Variants in ITPK1 observed in about 807,000 individuals in gnomAD.
ITPK1 encodes the protein inositol 1,3,4-trisphosphate 5/6-kinase.
ITPK1 carries 21 observed loss-of-function variants against 45.3 expected under a neutral mutation model. The ratio of observed to expected loss-of-function variants is 0.46; its 90% CI spans 0.33 to 0.67. The LOEUF (loss-of-function observed/expected upper bound fraction) is 0.67, where lower values mean the gene tolerates loss of function less well. Among genes scored for constraint, ITPK1 ranks in the 30% least tolerant of loss-of-function variants. The pLI is 0.02. For synonymous variants in ITPK1, 258 were observed against 253.6 expected, an observed-to-expected ratio of 1.02 and a Z score of -0.16; for missense variants, 474 against 573.5, an observed-to-expected ratio of 0.83 and a Z score of 1.77.
intron 3 of ITPK1, chr14:93,066,408 T>TC (rs35712743): frequency 2.8e-5 from 2 of 71,626 alleles, no homozygotes; most frequent in Non-Finnish European, 5.6e-5. Flanking sequence ...TTAGCAATTC[T>TC]TTTTTTTTTT....
chr14:92,991,378 C>G (rs912686644), intron 5 of ITPK1, among the ~76,000 whole-genome samples: 7 of 151,732 alleles, frequency 4.6e-5, no homozygotes, highest in Non-Finnish European at 7.4e-5. Flanking sequence ...TCGGCGTGCA[C>G]GATAAGGAAA....
At chr14:93,028,104 A>C (rs181855157) in intron 3 of ITPK1, among the ~76,000 whole-genome samples, 1 of 152,304 alleles carries the variant, frequency 6.6e-6, no homozygotes, top group East Asian at 1.9e-4. Flanking sequence ...GTTCCCTTGC[A>C]CACGCACAGG....
intron 2 of ITPK1, among the ~76,000 whole-genome samples, chr14:93,100,570 GAGACAGAC>G (rs72010726): frequency 6.6e-6 from 1 of 151,128 alleles, no homozygotes. Flanking sequence ...GAGAGAGAGA[GAGACAGAC>G]AGACAGACAG....
intron 5 of ITPK1, among the ~76,000 whole-genome samples, chr14:92,979,557 A>C (rs1886111097): frequency 6.6e-6 from 1 of 152,058 alleles, no homozygotes; most frequent in South Asian, 2.1e-4. Context: ...TGGATCATGG[A>C]AGCAGATTTC....
intron 5 of ITPK1, among the ~76,000 whole-genome samples, chr14:92,975,150 C>T (rs1885876408): frequency 6.6e-6 from 1 of 152,226 alleles, no homozygotes; most frequent in Non-Finnish European, 1.5e-5. Flanking sequence ...GCTCCCATGG[C>T]CTTCGGAATC....
intron 2 of ITPK1, among the ~76,000 whole-genome samples, chr14:93,091,571 C>T (rs141490744): frequency 1.5e-3 from 227 of 152,344 alleles, no homozygotes; most frequent in African/African-American, 5.0e-3. Context: ...CCTCCTACGC[C>T]GAGTGCTGGG....
chr14:93,066,388 A>G, intron 3 of ITPK1: 1 of 377,872 alleles, frequency 2.6e-6, no homozygotes. Context: ...TGTCACTGCC[A>G]AGGTGACATT....
At chr14:92,970,098 G>A (rs903817667) in intron 5 of ITPK1, among the ~76,000 whole-genome samples, 4 of 152,130 alleles carry the variant, frequency 2.6e-5, no homozygotes, top group African/African-American at 4.8e-5. Context: ...TCATCCGACC[G>A]GTAGCAGCTA....
At chr14:93,093,443 TC>T (rs2140009733) in intron 2 of ITPK1, among the ~76,000 whole-genome samples, 1 of 152,182 alleles carries the variant, frequency 6.6e-6, no homozygotes, top group South Asian at 2.1e-4. Context: ...CATCTCCTCT[TC>T]CCCCGCTCCC....
At chr14:93,083,212 A>G (rs1000760460) in intron 2 of ITPK1, among the ~76,000 whole-genome samples, 4 of 152,116 alleles carry the variant, frequency 2.6e-5, no homozygotes, top group African/African-American at 9.7e-5. Context: ...CAGGAGGTTA[A>G]CACAAGACAC....
chr14:93,112,058 C>G (rs974201895), intron 2 of ITPK1, among the ~76,000 whole-genome samples: 5 of 152,022 alleles, frequency 3.3e-5, no homozygotes, highest in Non-Finnish European at 7.4e-5. Context: ...AACCCTCCCC[C>G]CAAGACAAGG....
chr14:92,958,337 C>T lies in ITPK1; in HGVS notation c.534G>A (p.Leu178=). ...EMAIVFNQEG[L]NAIQPPCVVQ... is the part of the protein sequence containing the mutation. ...CCACGCAGGGTGGCTGGATGGCGTT[C>T]AGGCCCTCCTGGTTGAACACGATAG... The change falls in exon 8 of 11, where the codon CTG becomes CTA. Residue 178 remains leucine, a synonymous_variant. Transcript: ENST00000267615. This position sits in a 1 kb window ranked among gnomAD's most constrained non-coding sequence, Gnocchi z 4.4. 1 of 1,614,210 alleles carries T rather than the reference C, an allele frequency of 6.2e-7. No homozygotes were observed. Among genetic ancestry groups the T allele is most frequent in the Non-Finnish European group, 8.5e-7 (1 of 1,180,028 alleles).
At chr14:93,025,066 C>T (rs1888671009) in intron 3 of ITPK1, among the ~76,000 whole-genome samples, 1 of 152,200 alleles carries the variant, frequency 6.6e-6, no homozygotes, top group African/African-American at 2.4e-5. Context: ...TCCTAGCTGG[C>T]AGGCCTCAAG....
intron 3 of ITPK1, among the ~76,000 whole-genome samples, chr14:93,031,675 G>A (rs1192600538): frequency 1.3e-5 from 2 of 152,096 alleles, no homozygotes; most frequent in Admixed American, 1.3e-4. Flanking sequence ...AAGAGGTGGT[G>A]GTAAGAGAAT....
At chr14:92,980,986 G>C (rs1227565796) in intron 5 of ITPK1, among the ~76,000 whole-genome samples, 1 of 152,160 alleles carries the variant, frequency 6.6e-6, no homozygotes, top group Non-Finnish European at 1.5e-5. Flanking sequence ...GGGATTACAG[G>C]CATGAGCCAC....
chr14:92,988,571 C>T (rs992593875), intron 5 of ITPK1, among the ~76,000 whole-genome samples: 4 of 152,224 alleles, frequency 2.6e-5, no homozygotes, highest in African/African-American at 9.6e-5. Context: ...GACTCACCTG[C>T]AGGCGCAGAG....
intron 5 of ITPK1, among the ~76,000 whole-genome samples, chr14:92,979,777 C>A (rs963314819): frequency 1.3e-5 from 2 of 151,724 alleles, no homozygotes; most frequent in Non-Finnish European, 2.9e-5. Flanking sequence ...TTCATAATTT[C>A]TTCATAAATT....
chr14:92,938,291 C>G lies in ITPK1; in HGVS notation c.*3270G>C. On this transcript the variant is annotated 3_prime_UTR_variant, in exon 11 of 11. Coordinates refer to ENST00000267615, the MANE Select transcript of ITPK1 (RefSeq NM_014216.6). ...TAGGGAATAGAAGAGAGGGCAGATA[C>G]AGACCCCAGGGACATTAGTGAAGCC... The G allele has an allele frequency of 1.6e-6, 1 of 621,948 alleles. No homozygotes were observed. Among genetic ancestry groups the G allele is most frequent in the South Asian group, 1.9e-5 (1 of 52,068 alleles). The allele number at this position is 621,948 out of a possible 1,614,324, so 38.5% of individuals were successfully genotyped here.
chr14:93,030,323 T>C (rs1888969947), intron 3 of ITPK1, among the ~76,000 whole-genome samples: 1 of 152,258 alleles, frequency 6.6e-6, no homozygotes, highest in African/African-American at 2.4e-5. Context: ...TACTGCTTCA[T>C]GAATCACACA....
Sources: allele counts gnomAD v4.1 joint callset (sites outside exome capture counted in the v4.1 genomes callset), GRCh38; gene constraint gnomAD v4.1.1; non-coding constraint Gnocchi (gnomAD v3.1); transcripts MANE v1.5; gene names NCBI Gene and HGNC (gene_info 2026-07-23, HGNC 2026-07-21).